The following SAMD12 variants were observed in gnomAD, a reference collection of about 807,000 sequenced individuals.
The protein encoded by SAMD12 is sterile alpha motif domain-containing protein 12.
In SAMD12, 9 loss-of-function variants were observed where a neutral mutation model predicts 15.0. That is an observed-to-expected ratio of 0.60 (90% CI 0.36 to 1.05). The LOEUF (loss-of-function observed/expected upper bound fraction) is 1.05. SAMD12 is among the 50% of genes least tolerant of loss of function. SAMD12 has a pLI of 0.01. For synonymous variants in SAMD12, 86 were observed against 90.1 expected, an observed-to-expected ratio of 0.96 and a Z score of 0.25; for missense variants, 230 against 234.2, an observed-to-expected ratio of 0.98 and a Z score of 0.12.
intron 3 of SAMD12, among the ~76,000 whole-genome samples, chr8:118,438,354 A>C (rs1040570477): frequency 9.2e-5 from 14 of 152,208 alleles, no homozygotes; most frequent in Non-Finnish European, 1.8e-4. Context: ...TGTGGTCAGC[A>C]GGAATCTAGG....
chr8:118,509,524 A>C (rs1479101594), intron 2 of SAMD12, among the ~76,000 whole-genome samples: 1 of 152,146 alleles, frequency 6.6e-6, no homozygotes, highest in Non-Finnish European at 1.5e-5. Flanking sequence ...ACATCCACAC[A>C]TGTTCTGTTT....
chr8:118,466,646 C>T (rs945118588), intron 2 of SAMD12, among the ~76,000 whole-genome samples: 1 of 152,096 alleles, frequency 6.6e-6, no homozygotes, highest in African/African-American at 2.4e-5. Flanking sequence ...TACAAAATGG[C>T]TGACATCTAT....
At chr8:118,140,040 C>A in the SAMD12 span, among the ~76,000 whole-genome samples, 1 of 152,160 alleles carries the variant, frequency 6.6e-6, no homozygotes, top group Non-Finnish European at 1.5e-5. Flanking sequence ...GGAGCTGAAG[C>A]AAGAGACACA....
intron 3 of SAMD12, among the ~76,000 whole-genome samples, chr8:118,401,897 C>T (rs1163289178): frequency 1.3e-5 from 2 of 152,138 alleles, no homozygotes; most frequent in African/African-American, 4.8e-5. Context: ...ATAACTTACA[C>T]ATGTATCCAC....
intron 4 of SAMD12, among the ~76,000 whole-genome samples, chr8:118,238,885 G>C (rs1036095652): frequency 1.3e-5 from 2 of 152,234 alleles, no homozygotes; most frequent in Non-Finnish European, 2.9e-5. Flanking sequence ...TCTGATTACA[G>C]GGCTTGTTAA....
intron 2 of SAMD12, among the ~76,000 whole-genome samples, chr8:118,573,490 G>A (rs1206114740): frequency 6.6e-6 from 1 of 152,158 alleles, no homozygotes; most frequent in Non-Finnish European, 1.5e-5. Flanking sequence ...TTTGGTCTTT[G>A]AGGAATCACC....
the SAMD12 span, among the ~76,000 whole-genome samples, chr8:118,133,003 TATATA>T: frequency 9.0e-6 from 1 of 111,554 alleles, no homozygotes; most frequent in African/African-American, 3.2e-5. Context: ...TATATATATA[TATATA>T]TATATATATA....
intron 4 of SAMD12, among the ~76,000 whole-genome samples, chr8:118,216,248 CT>C (rs1331090340): frequency 6.6e-6 from 1 of 151,900 alleles, no homozygotes; most frequent in Non-Finnish European, 1.5e-5. Flanking sequence ...TGTTTTTTGG[CT>C]GTATAAATGT....
At chr8:118,340,922 G>A (rs1817331889) in intron 4 of SAMD12, among the ~76,000 whole-genome samples, 1 of 152,180 alleles carries the variant, frequency 6.6e-6, no homozygotes, top group Non-Finnish European at 1.5e-5. Flanking sequence ...AGAGCGCACT[G>A]GAAAGGCATT....
At chr8:118,575,778 T>A (rs920046329) in intron 2 of SAMD12, among the ~76,000 whole-genome samples, 5 of 152,190 alleles carry the variant, frequency 3.3e-5, no homozygotes, top group African/African-American at 1.2e-4. Context: ...AGTTTCCTCA[T>A]AAACACCTAG....
At chr8:118,212,490 G>A (rs1811856621) in intron 4 of SAMD12, among the ~76,000 whole-genome samples, 1 of 152,184 alleles carries the variant, frequency 6.6e-6, no homozygotes, top group African/African-American at 2.4e-5. Flanking sequence ...TGTGTGATAA[G>A]TAAACATTTT....
chr8:118,423,290 G>A (rs1326350095), intron 3 of SAMD12, among the ~76,000 whole-genome samples: 5 of 152,130 alleles, frequency 3.3e-5, no homozygotes, highest in Non-Finnish European at 5.9e-5. Context: ...CCTCCTGAGG[G>A]TATAGATACC....
intron 3 of SAMD12, among the ~76,000 whole-genome samples, chr8:118,399,090 T>C (rs991729495): frequency 2.6e-5 from 4 of 152,092 alleles, no homozygotes; most frequent in African/African-American, 9.7e-5. Flanking sequence ...CACTATGTTG[T>C]CCAGGCTGGT....
chr8:118,585,752 C>T (rs912337021), intron 1 of SAMD12, among the ~76,000 whole-genome samples: 54 of 152,298 alleles, frequency 3.5e-4, no homozygotes, highest in African/African-American at 1.2e-3. Flanking sequence ...TTGCTGATTG[C>T]TGGAAATGAG....
chr8:118,207,825 C>A (rs981599241), intron 4 of SAMD12, among the ~76,000 whole-genome samples: 9 of 152,084 alleles, frequency 5.9e-5, no homozygotes, highest in Non-Finnish European at 1.3e-4. Flanking sequence ...AGATTCACTA[C>A]TTTAGATAAA....
intron 3 of SAMD12, among the ~76,000 whole-genome samples, chr8:118,382,562 T>C (rs1031177079): frequency 4.6e-5 from 7 of 152,244 alleles, no homozygotes; most frequent in African/African-American, 1.7e-4. Context: ...GAAAATTCTG[T>C]CAGTTATAAA....
intron 2 of SAMD12, among the ~76,000 whole-genome samples, chr8:118,472,255 C>T (rs942114017): frequency 6.6e-6 from 1 of 151,418 alleles, no homozygotes; most frequent in Non-Finnish European, 1.5e-5. Flanking sequence ...CCACTGCACT[C>T]CAGCCCGGGT....
intron 4 of SAMD12, among the ~76,000 whole-genome samples, chr8:118,233,021 G>A (rs1032767762): frequency 3.3e-5 from 5 of 152,148 alleles, no homozygotes; most frequent in East Asian, 1.9e-4. Flanking sequence ...TTCACAGTGC[G>A]TTATTGCTCA....
chr8:118,309,229 G>A (rs1815504620), intron 4 of SAMD12, among the ~76,000 whole-genome samples: 1 of 152,114 alleles, frequency 6.6e-6, no homozygotes, highest in Admixed American at 6.6e-5. Flanking sequence ...ACTTATGAGT[G>A]AGAACATACA....
Sources: gnomAD v4.1 joint callset for allele counts (sites outside exome capture counted in the v4.1 genomes callset) on GRCh38, gnomAD v4.1.1 for gene constraint, MANE v1.5 for transcripts, NCBI Gene and HGNC (gene_info 2026-07-23, HGNC 2026-07-21) for gene names.